Variants in MYT1L observed in about 807,000 individuals in gnomAD.
The protein encoded by MYT1L is myelin transcription factor 1 like, also known as myelin transcription factor 1-like protein.
A neutral mutation model predicts 126.7 loss-of-function variants in MYT1L; 12 were observed. The observed-to-expected ratio is 0.09, with a 90% CI of 0.06 to 0.15. The LOEUF is 0.15. Ranked by LOEUF, MYT1L falls within the 10% of genes least tolerant of loss-of-function variation. MYT1L has a pLI of 1.00. For missense variants in MYT1L, 979 were observed against 1,585.2 expected, an observed-to-expected ratio of 0.62 and a Z score of 6.49; for synonymous variants, 541 against 604.2, an observed-to-expected ratio of 0.90 and a Z score of 1.53.
At chr2:1,815,374 G>A (rs74991537) in intron 21 of MYT1L, among the ~76,000 whole-genome samples, 5,082 of 152,244 alleles carry the variant, frequency 0.033, 115 homozygotes, top group East Asian at 0.066. Flanking sequence ...GCTCCCACTC[G>A]TCATGAGGGG....
chr2:2,177,696 A>G (rs1428991495), intron 2 of MYT1L, among the ~76,000 whole-genome samples: 5 of 152,138 alleles, frequency 3.3e-5, no homozygotes, highest in African/African-American at 1.2e-4. Flanking sequence ...TCCAGGGAAA[A>G]CTGCCTTATA....
intron 15 of MYT1L, among the ~76,000 whole-genome samples, chr2:1,890,699 T>C (rs1252566074): frequency 6.6e-6 from 1 of 151,514 alleles, no homozygotes; most frequent in Non-Finnish European, 1.5e-5. Context: ...CCCCAAAGAG[T>C]GACACTCTCC....
intron 14 of MYT1L, 164 bp downstream of exon 14, chr2:1,902,916 C>CCAAAG (rs1177936398): frequency 3.1e-6 from 2 of 639,766 alleles, no homozygotes; most frequent in Non-Finnish European, 5.5e-6. Flanking sequence ...GCTGTGTGGA[C>CCAAAG]CTGAGGGGCT....
chr2:1,871,417 A>G (rs1178907464), intron 18 of MYT1L, among the ~76,000 whole-genome samples: 1 of 152,216 alleles, frequency 6.6e-6, no homozygotes, highest in African/African-American at 2.4e-5. Context: ...GAACCGGGAT[A>G]CCAATTCATG....
intron 4 of MYT1L, among the ~76,000 whole-genome samples, chr2:2,049,693 G>A (rs1054120061): frequency 6.6e-6 from 1 of 152,176 alleles, no homozygotes; most frequent in Non-Finnish European, 1.5e-5. Context: ...CATGGGGAAA[G>A]CTTCCCCCAT....
chr2:1,802,290 G>A (rs1158302429), intron 22 of MYT1L, among the ~76,000 whole-genome samples: 2 of 152,134 alleles, frequency 1.3e-5, no homozygotes, highest in Admixed American at 6.5e-5. Flanking sequence ...GTTCTGGGTC[G>A]GAAAATGGGC....
At chr2:2,301,710 A>G (rs2095788788) in intron 1 of MYT1L, among the ~76,000 whole-genome samples, 1 of 151,622 alleles carries the variant, frequency 6.6e-6, no homozygotes, top group Non-Finnish European at 1.5e-5. Flanking sequence ...ACCTGCCTGT[A>G]GTCCCAGCTA....
At chr2:1,828,442 CCTCCCTCTTGGG>C in intron 21 of MYT1L, 1 of 152,314 alleles carries the variant, frequency 6.6e-6, no homozygotes, top group South Asian at 2.1e-4. Context: ...ACCCTAAACA[CCTCCCTCTTGGG>C]ATCCTCCACG....
chr2:2,047,006 G>C (rs943342266), intron 4 of MYT1L, among the ~76,000 whole-genome samples: 6 of 151,978 alleles, frequency 3.9e-5, no homozygotes, highest in Non-Finnish European at 1.5e-5. Context: ...CATATCCTTT[G>C]CCCATTTTTA....
In MYT1L at chr2:1,861,604, C is replaced by A. The variant is rs908796871; in HGVS notation, c.2712-9901G>T. The stretch of plus-strand genomic sequence containing the variant: ...TAAAGACGCTGTGCTCTGCCTGCAG[C>A]CTGTGTAATCCTAGATCTGCCTGCA... On this transcript the variant is annotated intron_variant, in intron 18 of 24. Coordinates refer to ENST00000647738, the MANE Select transcript of MYT1L (RefSeq NM_001303052.2). 2.6e-3 allele frequency among the ~76,000 whole-genome samples: 394 copies of A among 151,748 alleles called. 1 individual carries two copies. The highest frequency in any genetic ancestry group is 9.3e-3 in the African/African-American group (384 of 41,170).
intron 2 of MYT1L, among the ~76,000 whole-genome samples, chr2:2,238,716 C>A (rs1296018415): frequency 6.6e-6 from 1 of 152,238 alleles, no homozygotes; most frequent in Non-Finnish European, 1.5e-5. Context: ...TAGAGATCAA[C>A]TTGTGATAAA....
At chr2:2,071,966 G>A (rs1257119859) in intron 3 of MYT1L, among the ~76,000 whole-genome samples, 1 of 152,200 alleles carries the variant, frequency 6.6e-6, no homozygotes, top group African/African-American at 2.4e-5. Flanking sequence ...GATAAATCTG[G>A]AACATCCAGG....
chr2:2,011,192 C>A (rs1040976720), intron 4 of MYT1L, among the ~76,000 whole-genome samples: 1 of 152,088 alleles, frequency 6.6e-6, no homozygotes, highest in Non-Finnish European at 1.5e-5. Context: ...AGTTTGAGAC[C>A]AGCCTGGCCA....
intron 21 of MYT1L, among the ~76,000 whole-genome samples, chr2:1,834,607 T>C (rs749364323): frequency 6.6e-6 from 1 of 152,168 alleles, no homozygotes; most frequent in African/African-American, 2.4e-5. Context: ...ATTCTACTTA[T>C]AGGAGGTCCC....
intron 3 of MYT1L, among the ~76,000 whole-genome samples, chr2:2,132,233 T>A (rs2082463689): frequency 6.6e-6 from 1 of 151,856 alleles, no homozygotes; most frequent in Admixed American, 6.6e-5. Flanking sequence ...GGGCAGAGCT[T>A]GAGGGTCTCT....
Position 1,892,018 on chromosome 2 carries a change from C to A in MYT1L, c.2283+19G>T. 6.7e-7 allele frequency: 1 copy of A among 1,496,370 alleles called. No homozygotes were observed. Among genetic ancestry groups the A allele is most frequent in the Non-Finnish European group, 8.9e-7 (1 of 1,123,134 alleles). The allele number at this position is 1,496,370 out of a possible 1,614,324, so 92.7% of individuals were successfully genotyped here. A position where few individuals can be genotyped will look rare whatever the true frequency, so the allele number is the denominator to read the frequency against. Reference sequence around the variant, plus strand: ...CTCCCCCACCCGCCAGGTGGCTCCACCTGCCCAGGCGCGCGTACCCGCGTG... The same window carrying A: ...CTCCCCCACCCGCCAGGTGGCTCCAACTGCCCAGGCGCGCGTACCCGCGTG... On this transcript the variant is annotated intron_variant, in intron 15 of 24. Transcript: ENST00000647738.
rs550185819 is a variant in MYT1L at position 2,059,794 on chromosome 2, G to A, written c.-303-5671C>T. On this transcript the variant is annotated intron_variant, in intron 3 of 24. Coordinates refer to ENST00000647738, the MANE Select transcript of MYT1L (RefSeq NM_001303052.2). This position sits in a 1 kb window ranked among gnomAD's most constrained non-coding sequence, Gnocchi z 4.7. ...GATAAATAATTATAAACGGATGACT[G>A]TCACTGAAAATGTGGTGGGTTTCCT... is the stretch of plus-strand genomic sequence containing the variant. Among the ~76,000 whole-genome samples the A allele has an allele frequency of 1.6e-4, 24 of 152,292 alleles. No individual in the cohort carries two copies. In the South Asian group the frequency reaches 4.4e-3, roughly 28 times the overall value.
intron 22 of MYT1L, among the ~76,000 whole-genome samples, chr2:1,804,147 G>GT (rs2035321445): frequency 6.6e-6 from 1 of 152,068 alleles, no homozygotes; most frequent in African/African-American, 2.4e-5. Context: ...TTGAGATGGA[G>GT]TTTGCTCTTG....
rs146719201 is a variant in MYT1L, at chr2:2,183,248, G to A, written c.-420-10260C>T. On this transcript the variant is annotated intron_variant, in intron 2 of 24. Coordinates refer to ENST00000647738, the MANE Select transcript of MYT1L (RefSeq NM_001303052.2). ...AGCCAGGTTGCTGTTTTAGAACAGA[G>A]AGGAGGGGAAGAGACAGAGAGGAAC... 2.7e-3 allele frequency among the ~76,000 whole-genome samples: 404 copies of A among 152,326 alleles called. 2 individuals carry two copies. The highest frequency in any genetic ancestry group is 9.1e-3 in the African/African-American group (378 of 41,580).
Sources: gnomAD v4.1 joint callset for allele counts (sites outside exome capture counted in the v4.1 genomes callset) on GRCh38, gnomAD v4.1.1 for gene constraint, Gnocchi (gnomAD v3.1) non-coding constraint, MANE v1.5 for transcripts, NCBI Gene and HGNC (gene_info 2026-07-23, HGNC 2026-07-21) for gene names.